The following RMND5B variants were observed in gnomAD, a reference collection of about 807,000 sequenced individuals.
The protein encoded by RMND5B is required for meiotic nuclear division 5 homolog B.
RMND5B carries 42 observed loss-of-function variants against 50.4 expected under a neutral mutation model. The observed-to-expected ratio is 0.83, with a 90% CI of 0.65 to 1.08. RMND5B has a LOEUF of 1.08. Among genes scored for constraint, RMND5B ranks in the 50% least tolerant of loss-of-function variants. The pLI is 0.00. For missense variants in RMND5B, 463 were observed against 508.5 expected, an observed-to-expected ratio of 0.91 and a Z score of 0.86; for synonymous variants, 220 against 210.0, an observed-to-expected ratio of 1.05 and a Z score of -0.41.
chr5:178,148,288 T>G lies in RMND5B; in HGVS notation c.*256T>G. On this transcript the variant is annotated 3_prime_UTR_variant, in exon 11 of 11. Coordinates refer to ENST00000313386, the MANE Select transcript of RMND5B (RefSeq NM_022762.5). ...TGTGCTCCTGCTGTCTTTTCCTGTT[T>G]CTGTTTGCGTTTGACTTAGTAGCAA... 1 of 558,642 alleles carries G rather than the reference T, an allele frequency of 1.8e-6. No homozygotes were observed. The highest frequency in any genetic ancestry group is 3.2e-6 in the Non-Finnish European group (1 of 310,996). 34.6% of individuals were successfully genotyped at this position (558,642 alleles called of 1,614,324 possible). A position where few individuals can be genotyped will look rare whatever the true frequency, so the allele number is the denominator to read the frequency against.
chr5:178,146,507 C>T (rs748769335), intron 8 of RMND5B: 6 of 503,626 alleles, frequency 1.2e-5, no homozygotes, highest in African/African-American at 3.8e-5. Context: ...GTCAAGGTTC[C>T]CATTTTGTAA....
At chr5:178,142,551 T>G (rs2113418227) in intron 3 of RMND5B, 32 bp from the exon 4 acceptor site, 4 of 1,583,734 alleles carry the variant, frequency 2.5e-6, no homozygotes, top group East Asian at 4.5e-5. Flanking sequence ...CCAGTCTGCC[T>G]CCTCTGTGTC....
At chr5:178,140,817 G>A (rs1460308476) in intron 3 of RMND5B, among the ~76,000 whole-genome samples, 5 of 149,626 alleles carry the variant, frequency 3.3e-5, no homozygotes, top group African/African-American at 7.4e-5. Flanking sequence ...GTGACAAAGC[G>A]AGACTGTCTC....
Position 178,144,056 on chromosome 5 carries a change from G to A in RMND5B, c.642G>A (p.Glu214=). 3.1e-6 allele frequency: 5 copies of A among 1,614,234 alleles called. No homozygotes were observed. The highest frequency in any genetic ancestry group is 4.2e-6 in the Non-Finnish European group (5 of 1,180,040). Residue 214 remains glutamate (E), a synonymous_variant, in exon 7 of 11, where the codon GAG becomes GAA. Coordinates refer to ENST00000313386, the MANE Select transcript of RMND5B (RefSeq NM_022762.5). ...LLAGGPAKQL[E]ALSYARHFQP... The stretch of plus-strand genomic sequence containing the variant: ...CAGGAGGCCCCGCGAAGCAGCTGGA[G>A]GCCCTCAGCTATGCTCGGCACTTCC...
chr5:178,147,468 G>A (rs372542743), intron 8 of RMND5B, 65 bp from the exon 9 acceptor site: 185 of 1,293,186 alleles, frequency 1.4e-4, no homozygotes, highest in Non-Finnish European at 1.6e-4. Context: ...GAAGCATGGC[G>A]CGCTGGCCCT....
chr5:178,148,305 T>A lies in RMND5B; in HGVS notation c.*273T>A, dbSNP rs1756153116. The A allele has an allele frequency of 3.8e-6, 2 of 520,474 alleles. No individual in the cohort carries two copies. The highest frequency in any genetic ancestry group is 3.5e-6 in the Non-Finnish European group (1 of 286,740). The allele number at this position is 520,474 out of a possible 1,614,324, so 32.2% of individuals were successfully genotyped here. ...TTCCTGTTTCTGTTTGCGTTTGACT[T>A]AGTAGCAACCGACAGAGTGGCAAGG... On this transcript the variant is annotated 3_prime_UTR_variant, in exon 11 of 11. Coordinates refer to ENST00000313386, the MANE Select transcript of RMND5B (RefSeq NM_022762.5).
At position 178,137,549 on chromosome 5, in the gene RMND5B, TG is replaced by T. The variant is rs748239179; in HGVS notation, c.-12-558del. On this transcript the variant is annotated intron_variant, in intron 2 of 10. Transcript: ENST00000313386. The surrounding 1 kb of genome is among the most constrained non-coding windows in gnomAD (Gnocchi z 4.4). ...GAAAAAAAATTTTAAATTAGACAGG[TG>T]TAGAAGCACACTCCTGTGGTCCCAG... Among the ~76,000 whole-genome samples the T allele has an allele frequency of 5.3e-5, 8 of 151,704 alleles. No individual in the cohort carries two copies. The highest frequency in any genetic ancestry group is 1.3e-4 in the Admixed American group (2 of 15,210).
chr5:178,144,437 T>C lies in RMND5B; in HGVS notation c.694+329T>C, dbSNP rs74819912. ...ATGCCTCCCTGACCTGTGTGGCCTATGGAAAAGTCCTTTAAGAAAAAAAAA... is the reference window on the plus strand; with the variant it reads ...ATGCCTCCCTGACCTGTGTGGCCTACGGAAAAGTCCTTTAAGAAAAAAAAA... On this transcript the variant is annotated intron_variant, in intron 7 of 10. Coordinates refer to ENST00000313386, the MANE Select transcript of RMND5B (RefSeq NM_022762.5). 9.2e-3 allele frequency among the ~76,000 whole-genome samples: 1,399 copies of C among 151,310 alleles called. 27 individuals are homozygous for C. The highest frequency in any genetic ancestry group is 0.032 in the African/African-American group (1,334 of 41,206).
intron 2 of RMND5B, among the ~76,000 whole-genome samples, chr5:178,133,994 T>G (rs575337177): frequency 1.3e-5 from 2 of 152,352 alleles, no homozygotes; most frequent in African/African-American, 4.8e-5. Flanking sequence ...ATTACAGGCG[T>G]GAGCCACCGC....
chr5:178,137,385 A>G lies in RMND5B; in HGVS notation c.-12-723A>G, dbSNP rs780400685. Among the ~76,000 whole-genome samples, 1 of 152,184 alleles carries G rather than the reference A, an allele frequency of 6.6e-6. No individual in the cohort carries two copies. The highest frequency in any genetic ancestry group is 2.4e-5 in the African/African-American group (1 of 41,444). Reference sequence around the variant, plus strand: ...CTCTAACTGTAAGAATGTGGCCATAATAACTCTATGAAAATACACGGGCCG... The same window carrying G: ...CTCTAACTGTAAGAATGTGGCCATAGTAACTCTATGAAAATACACGGGCCG... On this transcript the variant is annotated intron_variant, in intron 2 of 10. Transcript: ENST00000313386. The surrounding 1 kb of genome is among the most constrained non-coding windows in gnomAD (Gnocchi z 4.4).
chr5:178,132,166 CGCAGTGGCTCACGCTT>C (rs1561627548), intron 2 of RMND5B, among the ~76,000 whole-genome samples: 1 of 151,894 alleles, frequency 6.6e-6, no homozygotes, highest in Admixed American at 6.6e-5. Flanking sequence ...TTAGGCTGGG[CGCAGTGGCTCACGCTT>C]GTAACCCCAG....
chr5:178,139,435 G>C (rs1317757509), intron 3 of RMND5B, among the ~76,000 whole-genome samples: 1 of 151,860 alleles, frequency 6.6e-6, no homozygotes, highest in Non-Finnish European at 1.5e-5. Flanking sequence ...TCGAACTCCT[G>C]ACCTCAAGTG....
Position 178,138,050 on chromosome 5 carries a change from C to T in RMND5B, c.-12-58C>T. 1.3e-6 allele frequency: 2 copies of T among 1,503,188 alleles called. No individual in the cohort carries two copies. The highest frequency in any genetic ancestry group is 1.8e-6 in the Non-Finnish European group (2 of 1,116,692). The allele number at this position is 1,503,188 out of a possible 1,614,324, so 93.1% of individuals were successfully genotyped here. On this transcript the variant is annotated intron_variant, in intron 2 of 10. Coordinates refer to ENST00000313386, the MANE Select transcript of RMND5B (RefSeq NM_022762.5). This position sits in a 1 kb window ranked among gnomAD's most constrained non-coding sequence, Gnocchi z 5.1. The stretch of plus-strand genomic sequence containing the variant: ...GGGATCTGAAGAGGTGGTCTGGGCA[C>T]CCTGCCTGCCATGCCACCGTGGCCC...
In RMND5B at chr5:178,138,474, G is replaced by A. The variant is rs1284443031; in HGVS notation, c.139+216G>A. ...CTGAGATGATTCCCATTTACATTTT[G>A]TTTTCAACTTACTTTTCTATTTTTA... On this transcript the variant is annotated intron_variant, in intron 3 of 10. Coordinates refer to ENST00000313386, the MANE Select transcript of RMND5B (RefSeq NM_022762.5). This position sits in a 1 kb window ranked among gnomAD's most constrained non-coding sequence, Gnocchi z 5.1. The A allele has an allele frequency of 8.0e-7, 1 of 1,254,816 alleles. No individual in the cohort carries two copies. 77.7% of individuals were successfully genotyped at this position (1,254,816 alleles called of 1,614,324 possible).
At chr5:178,147,361 A>G (rs956561257) in intron 8 of RMND5B, 172 bp from the exon 9 acceptor site, 8 of 609,746 alleles carry the variant, frequency 1.3e-5, no homozygotes, top group South Asian at 2.0e-5. Context: ...TCAGACATAC[A>G]TAAGTACATA....
intron 3 of RMND5B, chr5:178,142,353 G>A: frequency 1.9e-6 from 1 of 517,490 alleles, no homozygotes; most frequent in South Asian, 2.7e-5. Flanking sequence ...TAATTTCACA[G>A]ATGAGGAAAT....
chr5:178,146,397 C>A, intron 8 of RMND5B, 118 bp downstream of exon 8: 1 of 902,194 alleles, frequency 1.1e-6, no homozygotes, highest in Non-Finnish European at 1.7e-6. Context: ...CCGAAACTGG[C>A]TTTCTTAGTC....
chr5:178,136,835 G>A (rs984061311), intron 2 of RMND5B, among the ~76,000 whole-genome samples: 1 of 152,188 alleles, frequency 6.6e-6, no homozygotes, highest in Non-Finnish European at 1.5e-5. Flanking sequence ...CAGTGGCCCA[G>A]GGTAGAAAGG....
At position 178,131,062 on chromosome 5, in the gene RMND5B, CGGGCG is replaced by C. The variant is rs1344449492; in HGVS notation, c.-153+11_-153+15del. 1 of 151,782 alleles carries C rather than the reference CGGGCG, an allele frequency of 6.6e-6. No individual in the cohort carries two copies. The highest frequency in any genetic ancestry group is 1.5e-5 in the Non-Finnish European group (1 of 67,950). 9.4% of individuals were successfully genotyped at this position (151,782 alleles called of 1,614,324 possible). On this transcript the variant is annotated intron_variant, in intron 1 of 10. Coordinates refer to ENST00000313386, the MANE Select transcript of RMND5B (RefSeq NM_022762.5). ...CCGGGGCTGCGGGGCGAGGTGAGAGCGGGCGGGCTTGGGAGCCGGCAGGTGCGGGC... is the reference window on the plus strand; with the variant it reads ...CCGGGGCTGCGGGGCGAGGTGAGAGCGGCTTGGGAGCCGGCAGGTGCGGGC...
Sources: allele counts gnomAD v4.1 joint callset (sites outside exome capture counted in the v4.1 genomes callset), GRCh38; gene constraint gnomAD v4.1.1; non-coding constraint Gnocchi (gnomAD v3.1); transcripts MANE v1.5; gene names NCBI Gene and HGNC (gene_info 2026-07-23, HGNC 2026-07-21).